Variants in CD99 observed in about 807,000 individuals in gnomAD.
CD99 encodes CD99 antigen.
CD99 carries 19 observed loss-of-function variants against 28.4 expected under a neutral mutation model. The observed-to-expected ratio is 0.67, with a 90% CI of 0.47 to 0.98. The LOEUF is 0.98. Among genes scored for constraint, CD99 ranks in the 50% least tolerant of loss-of-function variants. CD99 has a pLI of 0.00. For synonymous variants in CD99, 103 were observed against 92.1 expected (o/e 1.12, Z -0.67); for missense variants, 283 against 248.8 (o/e 1.14, Z -0.92).
chrX:2,723,249 T>C, intron 6 of CD99, 65 bp from the exon 7 acceptor site: 1 of 1,540,650 alleles, frequency 6.5e-7, no homozygotes, highest in Non-Finnish European at 9.0e-7. Context: ...CTCTTCACGG[T>C]CCTGGCTGTG....
chrX:2,740,011 G>A (rs1328974802), intron 9 of CD99, among the ~76,000 whole-genome samples: 2 of 151,448 alleles, frequency 1.3e-5, no homozygotes, highest in Non-Finnish European at 2.9e-5. Flanking sequence ...AGAATCGCTT[G>A]AACCCGGGAG....
At chrX:2,738,064 G>A (rs752788532) in intron 8 of CD99, 136 bp from the exon 9 acceptor site, 31 of 809,938 alleles carry the variant, frequency 3.8e-5, no homozygotes, top group Admixed American at 7.0e-5. Flanking sequence ...AGTGGGTCTC[G>A]GGGTTCAGAA....
chrX:2,692,129 C>A, intron 1 of CD99: 1 of 581,974 alleles, frequency 1.7e-6, no homozygotes, highest in Non-Finnish European at 3.0e-6. Flanking sequence ...CACCCTCCCA[C>A]GCCCTAAACC....
chrX:2,733,655 A>T (rs1015840262), intron 8 of CD99: 13 of 525,698 alleles, frequency 2.5e-5, no homozygotes, highest in Admixed American at 1.3e-4. Context: ...TTTAAACATG[A>T]ATCTAACAGA....
At chrX:2,707,972 G>A (rs2048201649) in intron 1 of CD99, among the ~76,000 whole-genome samples, 1 of 152,220 alleles carries the variant, frequency 6.6e-6, no homozygotes, top group African/African-American at 2.4e-5. Context: ...GCAATAAAGA[G>A]AGCAGTGGAC....
Position 2,722,621 on chromosome X carries a change from T to G in CD99, c.263-6T>G, listed in dbSNP as rs1173471405. On this transcript the variant is annotated splice_polypyrimidine_tract_variant and splice_region_variant and intron_variant, in intron 5 of 9. Transcript: ENST00000381192. ...TTGACAGGTGATGCTGTATTTTCTT[T>G]CCTAGGTAGCTTTTCAGATGCTGAC... 1 of 1,613,834 alleles carries G rather than the reference T, an allele frequency of 6.2e-7. No individual in the cohort carries two copies. Among genetic ancestry groups the G allele is most frequent in the African/African-American group, 1.3e-5 (1 of 74,924 alleles).
chrX:2,739,518 C>G (rs371053406), intron 9 of CD99, among the ~76,000 whole-genome samples: 1 of 151,962 alleles, frequency 6.6e-6, no homozygotes, highest in Non-Finnish European at 1.5e-5. Context: ...GGTGCGACCT[C>G]TGCTCACTGC....
intron 1 of CD99, among the ~76,000 whole-genome samples, chrX:2,697,172 G>C (rs2047617430): frequency 6.6e-6 from 1 of 152,132 alleles, no homozygotes; most frequent in Non-Finnish European, 1.5e-5. Flanking sequence ...GCTGGGCTGA[G>C]ATATAATATA....
rs374555192 is a variant in CD99, at chrX:2,717,504, C to T, written c.101-101C>T. 1.9e-4 allele frequency: 177 copies of T among 952,566 alleles called. No homozygotes were observed. In the African/African-American group the frequency reaches 2.4e-3, roughly 13 times the overall value. 59.0% of individuals were successfully genotyped at this position (952,566 alleles called of 1,614,324 possible). A position where few individuals can be genotyped will look rare whatever the true frequency, so the allele number is the denominator to read the frequency against. On this transcript the variant is annotated intron_variant, in intron 2 of 9. Coordinates refer to ENST00000381192, the MANE Select transcript of CD99 (RefSeq NM_002414.5). Reference sequence around the variant, plus strand: ...GAAAAAACAATGCTAAAAACATTCTCCGACTGTTTCCAAGAAAATGAAACA... The same window carrying T: ...GAAAAAACAATGCTAAAAACATTCTTCGACTGTTTCCAAGAAAATGAAACA...
At chrX:2,719,399 C>CT in intron 3 of CD99, 1 of 367,448 alleles carries the variant, frequency 2.7e-6, no homozygotes, top group Non-Finnish European at 4.6e-6. Flanking sequence ...CTCTCTCTCT[C>CT]CCCACTGCCT....
chrX:2,699,130 CTTCTT>C (rs199717817), intron 1 of CD99, among the ~76,000 whole-genome samples: 20 of 151,060 alleles, frequency 1.3e-4, no homozygotes, highest in Admixed American at 1.3e-4. Flanking sequence ...TTTCTTTCCT[CTTCTT>C]TTCTTTTCTT....
At chrX:2,703,357 C>T (rs1444826001) in intron 1 of CD99, among the ~76,000 whole-genome samples, 4 of 152,034 alleles carry the variant, frequency 2.6e-5, no homozygotes, top group African/African-American at 9.7e-5. Flanking sequence ...CATTTAGGCA[C>T]GAGTTATAGT....
intron 1 of CD99, chrX:2,691,676 G>T (rs5939299): frequency 0.24 from 170,688 of 703,130 alleles, 21,738 homozygotes; most frequent in African/African-American, 0.33. Flanking sequence ...ACTCTTACAT[G>T]TGGGGCGGCC....
At chrX:2,723,217 G>C (rs1317807475) in intron 6 of CD99, 97 bp from the exon 7 acceptor site, 6 of 1,212,774 alleles carry the variant, frequency 4.9e-6, no homozygotes, top group African/African-American at 4.5e-5. Context: ...CCCCCGTAGA[G>C]TGTAAGAAGC....
chrX:2,694,331 G>C (rs1056544215), intron 1 of CD99, among the ~76,000 whole-genome samples: 1 of 151,796 alleles, frequency 6.6e-6, no homozygotes, highest in African/African-American at 2.4e-5. Context: ...GCCCCTGTGG[G>C]TGTGTGTGGA....
At chrX:2,706,087 C>T (rs1251527296) in intron 1 of CD99, among the ~76,000 whole-genome samples, 1 of 150,920 alleles carries the variant, frequency 6.6e-6, no homozygotes, top group Non-Finnish European at 1.5e-5. Flanking sequence ...GAGCCGGGCG[C>T]GGTGGCTCAC....
At chrX:2,720,709 C>T (rs2048956411) in intron 5 of CD99, among the ~76,000 whole-genome samples, 1 of 145,290 alleles carries the variant, frequency 6.9e-6, no homozygotes, top group Admixed American at 7.1e-5. Flanking sequence ...ACTGCAACCT[C>T]CACCTACTGG....
chrX:2,740,273 G>A (rs182041291), intron 9 of CD99, among the ~76,000 whole-genome samples: 303 of 152,246 alleles, frequency 2.0e-3, no homozygotes, highest in African/African-American at 6.9e-3. Context: ...TGGAGCCCTC[G>A]TGACTTGAAG....
chrX:2,726,272 G>A lies in CD99; in HGVS notation c.374G>A (p.Gly125Asp), dbSNP rs766473073. 19 of 1,610,162 alleles carry A rather than the reference G, an allele frequency of 1.2e-5. No homozygotes were observed. In the South Asian group the frequency reaches 1.6e-4, roughly 14 times the overall value. ...CTTCCTCCTGCAGCCGACGCCCCAGGCGTGATCCCCGGGATTGTGGGGGCT... is the reference window on the plus strand; with the variant it reads ...CTTCCTCCTGCAGCCGACGCCCCAGACGTGATCCCCGGGATTGTGGGGGCT... Reference protein sequence around the residue: ...RKEGEEADAPGVIPGIVGAVV... With the variant: ...RKEGEEADAPDVIPGIVGAVV... Residue 125 changes from glycine to aspartate, a missense_variant, in exon 8 of 10, where the codon GGC (glycine) becomes GAC (aspartate). Coordinates refer to ENST00000381192, the MANE Select transcript of CD99 (RefSeq NM_002414.5).
Sources: allele counts gnomAD v4.1 joint callset (sites outside exome capture counted in the v4.1 genomes callset), GRCh38; gene constraint gnomAD v4.1.1; transcripts MANE v1.5; gene names NCBI Gene and HGNC (gene_info 2026-07-23, HGNC 2026-07-21).